SLC44A5: variants seen among roughly 807,000 people sequenced by gnomAD.
SLC44A5 encodes the protein choline transporter-like protein 5.
In SLC44A5, 57 loss-of-function variants were observed where a neutral mutation model predicts 101.8. That is an observed-to-expected ratio of 0.56 (90% CI 0.45 to 0.70). SLC44A5 has a LOEUF of 0.70. SLC44A5 is among the 30% of genes least tolerant of loss of function. The pLI is 0.00. For missense variants in SLC44A5, 737 were observed against 853.1 expected, an observed-to-expected ratio of 0.86 and a Z score of 1.70; for synonymous variants, 281 against 290.9, an observed-to-expected ratio of 0.97 and a Z score of 0.35.
Position 75,485,817 on chromosome 1 carries a change from G to A in SLC44A5, c.13+55618C>T, listed in dbSNP as rs181877316. ...GCCTCAGGAAACTTACAATCATGGC[G>A]GAAGGTGAAGGGGAAGCAAGGCACA... On this transcript the variant is annotated intron_variant, in intron 2 of 23. Transcript: ENST00000370859. Among the ~76,000 whole-genome samples the A allele has an allele frequency of 4.8e-4, 73 of 152,236 alleles. No homozygotes were observed. The East Asian group carries it at 7.6e-3, about 16-fold the overall frequency.
chr1:75,669,677 A>G, the SLC44A5 span, among the ~76,000 whole-genome samples: 6,001 of 152,142 alleles, frequency 0.039, 143 homozygotes, highest in Middle Eastern at 0.051. Context: ...CGTTCTTCCC[A>G]TCCCCACCAC....
chr1:75,541,501 T>G lies in SLC44A5; in HGVS notation c.-54A>C. On this transcript the variant is annotated 5_prime_UTR_variant, in exon 2 of 24. Coordinates refer to ENST00000370859, the MANE Select transcript of SLC44A5 (RefSeq NM_001130058.2). The stretch of plus-strand genomic sequence containing the variant: ...AGGCCTGAATCACTGCAAACTTGAG[T>G]TGCTTAGAAAAGAGTCTGTGATAAA... 1.2e-6 allele frequency: 2 copies of G among 1,604,116 alleles called. No homozygotes were observed. Among genetic ancestry groups the G allele is most frequent in the Non-Finnish European group, 1.7e-6 (2 of 1,175,120 alleles).
At chr1:75,317,335 G>C (rs1283238493) in intron 4 of SLC44A5, among the ~76,000 whole-genome samples, 1 of 152,192 alleles carries the variant, frequency 6.6e-6, no homozygotes, top group Non-Finnish European at 1.5e-5. Flanking sequence ...CCCCACACAT[G>C]AGTGAGAAGG....
At chr1:75,529,488 A>G (rs1458179183) in intron 2 of SLC44A5, among the ~76,000 whole-genome samples, 1 of 152,190 alleles carries the variant, frequency 6.6e-6, no homozygotes, top group Non-Finnish European at 1.5e-5. Flanking sequence ...TACTCTACAG[A>G]AGAATCAGGG....
intron 1 of SLC44A5, among the ~76,000 whole-genome samples, chr1:75,560,674 G>T (rs1672469560): frequency 1.3e-5 from 2 of 152,136 alleles, no homozygotes; most frequent in Non-Finnish European, 2.9e-5. Flanking sequence ...GTCTGTGGCA[G>T]ATTTGGTCCT....
the SLC44A5 span, among the ~76,000 whole-genome samples, chr1:75,709,508 T>A: frequency 1.3e-5 from 2 of 152,182 alleles, no homozygotes; most frequent in Non-Finnish European, 2.9e-5. Flanking sequence ...AGTATGATAG[T>A]GGGGAGAATG....
At chr1:75,514,051 C>A (rs1669700802) in intron 2 of SLC44A5, among the ~76,000 whole-genome samples, 1 of 152,064 alleles carries the variant, frequency 6.6e-6, no homozygotes, top group Admixed American at 6.6e-5. Context: ...CTCTATAGTG[C>A]CCAGGTTTGT....
intron 6 of SLC44A5, among the ~76,000 whole-genome samples, chr1:75,262,666 A>G (rs984912586): frequency 3.3e-5 from 5 of 152,214 alleles, no homozygotes; most frequent in Non-Finnish European, 7.3e-5. Context: ...AAGAGCCCGC[A>G]TTGCCAAGAC....
chr1:75,343,024 G>A (rs1450890488), intron 3 of SLC44A5, among the ~76,000 whole-genome samples: 1 of 151,934 alleles, frequency 6.6e-6, no homozygotes, highest in African/African-American at 2.4e-5. Context: ...CTTTTATAGG[G>A]GCCCTCACGT....
chr1:75,636,221 A>G, the SLC44A5 span, among the ~76,000 whole-genome samples: 1 of 151,988 alleles, frequency 6.6e-6, no homozygotes, highest in East Asian at 1.9e-4. Flanking sequence ...AACTGTTATC[A>G]TATATATAAA....
chr1:75,641,601 C>A, the SLC44A5 span: 2 of 1,509,920 alleles, frequency 1.3e-6, no homozygotes, highest in Admixed American at 1.7e-5. Flanking sequence ...AGATTACATT[C>A]TTTGGGATTA....
the SLC44A5 span, among the ~76,000 whole-genome samples, chr1:75,662,131 A>G: frequency 2.0e-5 from 3 of 152,024 alleles, no homozygotes; most frequent in African/African-American, 7.2e-5. Flanking sequence ...TAATGAAAAT[A>G]TGGTATATAT....
the SLC44A5 span, among the ~76,000 whole-genome samples, chr1:75,620,722 G>A: frequency 6.6e-6 from 1 of 152,040 alleles, no homozygotes; most frequent in Non-Finnish European, 1.5e-5. Flanking sequence ...TGTAGATTCT[G>A]GATATTAGCC....
intron 1 of SLC44A5, among the ~76,000 whole-genome samples, chr1:75,606,271 A>C (rs1311216608): frequency 6.6e-6 from 1 of 151,936 alleles, no homozygotes; most frequent in Non-Finnish European, 1.5e-5. Context: ...TTAATACTCC[A>C]TTTAATATTT....
intron 1 of SLC44A5, among the ~76,000 whole-genome samples, chr1:75,559,730 A>C (rs957776915): frequency 6.6e-6 from 1 of 152,160 alleles, no homozygotes; most frequent in African/African-American, 2.4e-5. Flanking sequence ...CAAATGATAC[A>C]ATCCGAAAAG....
intron 2 of SLC44A5, among the ~76,000 whole-genome samples, chr1:75,399,582 T>C (rs72986720): frequency 0.033 from 5,031 of 152,134 alleles, 281 homozygotes; most frequent in African/African-American, 0.12. Context: ...GGGGGACAAT[T>C]GGGGCAATCT....
intron 2 of SLC44A5, among the ~76,000 whole-genome samples, chr1:75,413,914 G>T (rs1032253420): frequency 3.3e-5 from 5 of 152,164 alleles, no homozygotes; most frequent in Non-Finnish European, 7.3e-5. Flanking sequence ...ACCACATGTG[G>T]CCAGTCTTGC....
intron 1 of SLC44A5, among the ~76,000 whole-genome samples, chr1:75,601,715 TA>T (rs748260265): frequency 6.6e-6 from 1 of 152,090 alleles, no homozygotes; most frequent in Non-Finnish European, 1.5e-5. Flanking sequence ...TTAGCATATC[TA>T]AAGCAATGAA....
At chr1:75,225,627 T>C (rs773843614) in intron 13 of SLC44A5, among the ~76,000 whole-genome samples, 8 of 152,210 alleles carry the variant, frequency 5.3e-5, no homozygotes, top group Admixed American at 3.9e-4. Context: ...AAAATTACAA[T>C]TTTGGTATTT....
Sources: allele counts gnomAD v4.1 joint callset (sites outside exome capture counted in the v4.1 genomes callset), GRCh38; gene constraint gnomAD v4.1.1; transcripts MANE v1.5; gene names NCBI Gene and HGNC (gene_info 2026-07-23, HGNC 2026-07-21).